The following ING5 variants were observed in gnomAD, a reference collection of about 807,000 sequenced individuals.
ING5 encodes inhibitor of growth protein 5.
A neutral mutation model predicts 37.4 loss-of-function variants in ING5; 17 were observed. The ratio of observed to expected loss-of-function variants is 0.45; its 90% CI spans 0.31 to 0.68. The LOEUF (loss-of-function observed/expected upper bound fraction) is 0.68. Among genes scored for constraint, ING5 ranks in the 30% least tolerant of loss-of-function variants. The pLI is 0.05. For missense variants in ING5, 233 were observed against 311.9 expected (o/e 0.75, Z 1.91); for synonymous variants, 123 against 116.6 (o/e 1.06, Z -0.36).
At chr2:241,704,806 G>C (rs1040446159) in intron 2 of ING5, 82 bp downstream of exon 2, 1 of 1,171,242 alleles carries the variant, frequency 8.5e-7, no homozygotes, top group Non-Finnish European at 1.3e-6. Context: ...GGGGCAGAGG[G>C]TTTTGAGGGG....
At chr2:241,708,999 C>T (rs1224199120) in intron 2 of ING5, 2 of 475,170 alleles carry the variant, frequency 4.2e-6, no homozygotes, top group African/African-American at 2.0e-5. Flanking sequence ...CTGGGACTGT[C>T]CTGGGCACGT....
chr2:241,710,508 G>C (rs2070075992), intron 3 of ING5, among the ~76,000 whole-genome samples: 1 of 151,382 alleles, frequency 6.6e-6, no homozygotes, highest in African/African-American at 2.4e-5. Context: ...TTTTGAGACA[G>C]AGCTTCGCTC....
In ING5 at chr2:241,692,373, A is replaced by G. The variant is rs368779997; in HGVS notation, c.43+1720A>G. The stretch of plus-strand genomic sequence containing the variant: ...GTTCAGGCTGAAGTGCAGTGGCACA[A>G]TCGTAGCTCACTGCAGCCTTGAGGT... On this transcript the variant is annotated intron_variant, in intron 2 of 7. Coordinates refer to the ING5 transcript ENST00000636051. 5.9e-5 allele frequency among the ~76,000 whole-genome samples: 9 copies of G among 152,086 alleles called. No homozygotes were observed. The East Asian group carries it at 7.7e-4, about 13-fold the overall frequency.
At chr2:241,717,045 A>G (rs1295693929) in intron 5 of ING5, among the ~76,000 whole-genome samples, 2 of 151,686 alleles carry the variant, frequency 1.3e-5, no homozygotes, top group Non-Finnish European at 2.9e-5. Context: ...ATATATAGTT[A>G]CCTCATATAG....
At chr2:241,721,546 A>G in intron 5 of ING5, 1 of 985,454 alleles carries the variant, frequency 1.0e-6, no homozygotes, top group Non-Finnish European at 1.2e-6. Flanking sequence ...CAGGTATCCA[A>G]GGAAAAGCTG....
chr2:241,724,037 T>C (rs1691502516), intron 7 of ING5: 3 of 1,390,608 alleles, frequency 2.2e-6, no homozygotes, highest in South Asian at 3.3e-5. Flanking sequence ...GATAAAAACC[T>C]GGCTTTGTTT....
At chr2:241,709,033 A>G (rs977059150) in intron 2 of ING5, 183 bp from the exon 3 acceptor site, 10 of 586,176 alleles carry the variant, frequency 1.7e-5, no homozygotes, top group Non-Finnish European at 3.0e-5. Context: ...GCACATTCAC[A>G]CGATCCCAGA....
chr2:241,704,365 C>T (rs746788365), intron 1 of ING5, among the ~76,000 whole-genome samples: 5 of 152,042 alleles, frequency 3.3e-5, no homozygotes, highest in East Asian at 1.9e-4. Flanking sequence ...GTCAGGAGTT[C>T]GAGACAAGCC....
At chr2:241,720,176 G>A (rs923251374) in intron 5 of ING5, 14 of 1,235,182 alleles carry the variant, frequency 1.1e-5, no homozygotes, top group Admixed American at 4.1e-5. Flanking sequence ...GTGTGCACTC[G>A]GGTGCCTCCA....
chr2:241,695,671 G>A (rs1027575240), intron 2 of ING5, among the ~76,000 whole-genome samples: 5 of 152,126 alleles, frequency 3.3e-5, no homozygotes, highest in Non-Finnish European at 5.9e-5. Context: ...GGGTGACAGA[G>A]CAAGATTCCG....
intron 5 of ING5, among the ~76,000 whole-genome samples, chr2:241,717,765 T>C (rs987950915): frequency 6.6e-6 from 1 of 152,070 alleles, no homozygotes; most frequent in Non-Finnish European, 1.5e-5. Flanking sequence ...TGATGTGTAT[T>C]GGTGTGATTT....
intron 5 of ING5, 31 bp downstream of exon 5, chr2:241,712,102 G>C (rs1363172197): frequency 6.6e-7 from 1 of 1,509,532 alleles, no homozygotes; most frequent in African/African-American, 1.4e-5. Flanking sequence ...TTTCCCAAAA[G>C]AACGAATACC....
chr2:241,724,787 C>A (rs1224612080), intron 7 of ING5: 4 of 591,396 alleles, frequency 6.8e-6, no homozygotes, highest in Non-Finnish European at 9.1e-6. Flanking sequence ...CTGTCAGCTT[C>A]AGAACCGGCG....
At chr2:241,721,183 G>T in intron 5 of ING5, 1 of 985,636 alleles carries the variant, frequency 1.0e-6, no homozygotes, top group Non-Finnish European at 1.2e-6. Flanking sequence ...GACCGCAGGA[G>T]CCCCTTGGAG....
Position 241,709,257 on chromosome 2 carries a change from T to G in ING5, c.151T>G (p.Ser51Ala), listed in dbSNP as rs2070026817. Residue 51 changes from serine to alanine, a missense_variant, in exon 3 of 8, where the codon TCC (serine) becomes GCC (alanine). Ser to Ala is a moderately conservative substitution (Grantham distance 99, BLOSUM62 1). Transcript: ENST00000313552. ...TGACATCCTGGCTGCAGAGTACATC[T>G]CCACGGTGAAGACGCTGTCTCCAGA... is the stretch of plus-strand genomic sequence containing the variant. ...EIDILAAEYISTVKTLSPDQR... is the reference protein window; with the variant it reads ...EIDILAAEYIATVKTLSPDQR... The G allele has an allele frequency of 3.1e-6, 5 of 1,613,870 alleles. No homozygotes were observed. Among genetic ancestry groups the G allele is most frequent in the South Asian group, 2.2e-5 (2 of 91,044 alleles).
chr2:241,701,867 C>G (rs1322053080), upstream of ING5, among the ~76,000 whole-genome samples: 1 of 151,576 alleles, frequency 6.6e-6, no homozygotes, highest in Non-Finnish European at 1.5e-5. Context: ...GCTCGCTGCC[C>G]GACGCCGCTG....
At chr2:241,708,332 C>T (rs113657765) in intron 2 of ING5, among the ~76,000 whole-genome samples, 2 of 151,878 alleles carry the variant, frequency 1.3e-5, no homozygotes, top group Non-Finnish European at 2.9e-5. Flanking sequence ...CTCAGCCTCC[C>T]GAGTAGCTGG....
chr2:241,701,634 C>T (rs1431376902), upstream of ING5, among the ~76,000 whole-genome samples: 1 of 152,138 alleles, frequency 6.6e-6, no homozygotes, highest in Non-Finnish European at 1.5e-5. Flanking sequence ...GGGAGGGCCT[C>T]GTGGCGGCCT....
intron 5 of ING5, among the ~76,000 whole-genome samples, chr2:241,713,283 C>T (rs1008620614): frequency 1.3e-5 from 2 of 151,792 alleles, no homozygotes; most frequent in African/African-American, 4.8e-5. Context: ...GTCTCGAACT[C>T]CTGACCTCAG....
Sources: allele counts gnomAD v4.1 joint callset (sites outside exome capture counted in the v4.1 genomes callset), GRCh38; gene constraint gnomAD v4.1.1; transcripts MANE v1.5; gene names NCBI Gene and HGNC (gene_info 2026-07-23, HGNC 2026-07-21).